Variants in ABCA5 observed in about 807,000 individuals in gnomAD.
ABCA5 encodes cholesterol transporter ABCA5.
ABCA5 carries 163 observed loss-of-function variants against 206.0 expected under a neutral mutation model. The observed-to-expected ratio is 0.79, with a 90% CI of 0.70 to 0.90. The LOEUF is 0.90. ABCA5 is among the 40% of genes least tolerant of loss of function. ABCA5 has a pLI of 0.00. For synonymous variants in ABCA5, 609 were observed against 613.8 expected, an observed-to-expected ratio of 0.99 and a Z score of 0.11; for missense variants, 1,859 against 1,912.9, an observed-to-expected ratio of 0.97 and a Z score of 0.53.
chr17:69,283,591 CT>C (rs1053951851), intron 18 of ABCA5, among the ~76,000 whole-genome samples: 1 of 152,118 alleles, frequency 6.6e-6, no homozygotes, highest in South Asian at 2.1e-4. Context: ...CCATGGTAGC[CT>C]TTTTTTATCC....
chr17:69,264,867 C>A lies in ABCA5; in HGVS notation c.3183G>T (p.Leu1061Phe), dbSNP rs1401338655. 2 of 1,558,752 alleles carry A rather than the reference C, an allele frequency of 1.3e-6. No homozygotes were observed. Among genetic ancestry groups the A allele is most frequent in the East Asian group, 2.3e-5 (1 of 42,758 alleles). The stretch of plus-strand genomic sequence containing the variant: ...CTTGTCCAATCCAATATGCAGATGG[C>A]AAAAGACCTGAAAGTTTAAGTTGAG... ...AYTQLKLSGL[L>F]PSAYWIGQAV... Residue 1061 changes from leucine to phenylalanine, a missense_variant, in exon 24 of 39, where the codon TTG (leucine) becomes TTT (phenylalanine). Leu to Phe is a conservative substitution (Grantham distance 22, BLOSUM62 0). Transcript: ENST00000392676.
chr17:69,274,839 C>CTTTTTTTTTTTTTTTTTTTTTTT (rs3052556), intron 19 of ABCA5, among the ~76,000 whole-genome samples: 6 of 85,750 alleles, frequency 7.0e-5, no homozygotes, highest in African/African-American at 2.2e-4. Flanking sequence ...TAACCATTTA[C>CTTTTTTTTTTTTTTTTTTTTTTT]TTTTTTTTTT....
At chr17:69,270,450 A>C (rs2075259744) in intron 22 of ABCA5, among the ~76,000 whole-genome samples, 163 bp downstream of exon 22, 1 of 152,114 alleles carries the variant, frequency 6.6e-6, no homozygotes, top group South Asian at 2.1e-4. Context: ...TCTACTGGGG[A>C]ATCCTAAACC....
chr17:69,279,210 G>A (rs1055375102), intron 18 of ABCA5, among the ~76,000 whole-genome samples: 8 of 152,126 alleles, frequency 5.3e-5, no homozygotes, highest in Non-Finnish European at 1.0e-4. Context: ...AAATCAATGT[G>A]CAAAAATCAC....
Position 69,308,209 on chromosome 17 carries a change from A to G in ABCA5, c.558+71T>C, listed in dbSNP as rs935020050. 1.1e-5 allele frequency: 11 copies of G among 973,420 alleles called. 1 individual carries two copies. The highest frequency in any genetic ancestry group is 1.7e-5 in the Non-Finnish European group (11 of 639,170). The allele number at this position is 973,420 out of a possible 1,614,324, so 60.3% of individuals were successfully genotyped here. A position where few individuals can be genotyped will look rare whatever the true frequency, so the allele number is the denominator to read the frequency against. On this transcript the variant is annotated intron_variant, in intron 5 of 38. Transcript: ENST00000392676. Reference sequence around the variant, plus strand: ...TTTGACAGTAGTCAAACCAAATACTATTGTAAAGAATAAGGAAATATTTAT... The same window carrying G: ...TTTGACAGTAGTCAAACCAAATACTGTTGTAAAGAATAAGGAAATATTTAT...
chr17:69,266,443 C>A (rs112977499), intron 23 of ABCA5, among the ~76,000 whole-genome samples: 1 of 151,890 alleles, frequency 6.6e-6, no homozygotes, highest in Non-Finnish European at 1.5e-5. Flanking sequence ...GAATATACAA[C>A]TATCTCAAAA....
chr17:69,287,726 G>C lies in ABCA5; in HGVS notation c.1928C>G (p.Ala643Gly). The C allele has an allele frequency of 1.2e-6, 2 of 1,613,426 alleles. No individual in the cohort carries two copies. Among genetic ancestry groups the C allele is most frequent in the Non-Finnish European group, 1.7e-6 (2 of 1,179,690 alleles). Residue 643 changes from alanine to glycine, a missense_variant, in exon 15 of 39, where the codon GCT becomes GGT. Coordinates refer to ENST00000392676, the MANE Select transcript of ABCA5 (RefSeq NM_172232.4). ...ATGTCGAGAACAGGGGTCCATTCCA[G>C]CTGTTGGTTCATCTAGCAGCAGTAT... ...PKILLLDEPT[A>G]GMDPCSRHIV...
intron 11 of ABCA5, among the ~76,000 whole-genome samples, chr17:69,292,037 A>T (rs2075532881): frequency 6.6e-6 from 1 of 152,116 alleles, no homozygotes; most frequent in Non-Finnish European, 1.5e-5. Context: ...TGAGCTTGGG[A>T]AGTCAGGGCT....
chr17:69,307,092 AAAGT>A, intron 5 of ABCA5, 138 bp from the exon 6 acceptor site: 1 of 421,728 alleles, frequency 2.4e-6, no homozygotes, highest in East Asian at 3.6e-5. Flanking sequence ...TACCTGAAAT[AAAGT>A]GAGTGACCCC....
In ABCA5 at chr17:69,264,890, G is replaced by A; in HGVS notation, c.3160C>T (p.Gln1054Ter). Residue 1054 changes from glutamine (Q) to a stop codon, truncating the protein, a stop_gained, in exon 24 of 39, where the codon CAA becomes TAA. Transcript: ENST00000392676. LOFTEE classifies it high-confidence loss of function. ...GGCAAAAGACCTGAAAGTTTAAGTT[G>A]AGTATAAGCTTTGATCTAAAAAAAA... is the stretch of plus-strand genomic sequence containing the variant. ...AENHKIKAYT[Q>*]LKLSGLLPSA... The A allele has an allele frequency of 6.5e-7, 1 of 1,534,018 alleles. No individual in the cohort carries two copies. The highest frequency in any genetic ancestry group is 8.7e-7 in the Non-Finnish European group (1 of 1,146,174).
At chr17:69,302,379 T>A (rs959015151) in intron 8 of ABCA5, among the ~76,000 whole-genome samples, 1 of 152,156 alleles carries the variant, frequency 6.6e-6, no homozygotes, top group Non-Finnish European at 1.5e-5. Flanking sequence ...GAGATAAATG[T>A]ACAAATGATA....
At chr17:69,286,971 G>A (rs938131066) in intron 15 of ABCA5, among the ~76,000 whole-genome samples, 35 of 152,172 alleles carry the variant, frequency 2.3e-4, no homozygotes, top group Admixed American at 1.6e-3. Context: ...TACAAGGTTG[G>A]CCCTTGGCTG....
chr17:69,248,445 C>T, intron 37 of ABCA5, 128 bp from the exon 38 acceptor site: 1 of 571,164 alleles, frequency 1.8e-6, no homozygotes, highest in Non-Finnish European at 3.1e-6. Context: ...GCTGCCAAAA[C>T]ATGTTATTTT....
In ABCA5 at chr17:69,253,863, T is replaced by A. The variant is rs770716296; in HGVS notation, c.4251A>T (p.Thr1417=). ...SDMKEVISRI[T]HALDLKEHLQ... ...GATGTTCTTTTAAATCAAGTGCATGTGTTATTCTGCAAAATGAACAATACA... is the reference window on the plus strand; with the variant it reads ...GATGTTCTTTTAAATCAAGTGCATGAGTTATTCTGCAAAATGAACAATACA... Residue 1417 remains threonine (T), a synonymous_variant, in exon 33 of 39, where the codon ACA becomes ACT. Transcript: ENST00000392676. 6.3e-5 allele frequency: 101 copies of A among 1,609,906 alleles called. No homozygotes were observed. The highest frequency in any genetic ancestry group is 2.0e-4 in the Middle Eastern group (1 of 5,128).
chr17:69,263,948 G>A (rs527720297), intron 24 of ABCA5, among the ~76,000 whole-genome samples: 8 of 151,992 alleles, frequency 5.3e-5, no homozygotes, highest in Non-Finnish European at 1.0e-4. Flanking sequence ...CACCCGTCTC[G>A]GTCTCCCAGA....
rs185324253 is a variant in ABCA5 at position 69,315,686 on chromosome 17, G to A, written c.-15-1256C>T. 4.0e-4 allele frequency among the ~76,000 whole-genome samples: 61 copies of A among 152,038 alleles called. 1 individual carries two copies. The East Asian group carries it at 0.011, about 28-fold the overall frequency. ...TAATCCCAGCTACTCAGGAGGCTGA[G>A]GCAGGAGATCTGCTTGAACCCGGGA... On this transcript the variant is annotated intron_variant, in intron 1 of 38. Coordinates refer to ENST00000392676, the MANE Select transcript of ABCA5 (RefSeq NM_172232.4).
At chr17:69,278,362 C>A (rs1467300856) in intron 18 of ABCA5, among the ~76,000 whole-genome samples, 1 of 152,190 alleles carries the variant, frequency 6.6e-6, no homozygotes, top group Non-Finnish European at 1.5e-5. Context: ...CACAACTTAG[C>A]ATCATATCCT....
At chr17:69,272,559 T>C (rs1010824726) in intron 20 of ABCA5, among the ~76,000 whole-genome samples, 13 of 151,990 alleles carry the variant, frequency 8.6e-5, no homozygotes, top group African/African-American at 3.1e-4. Context: ...CCTGGACACA[T>C]ATAAAAAATG....
At chr17:69,255,968 CAAAT>C in intron 29 of ABCA5, 118 bp from the exon 30 acceptor site, 1 of 1,092,756 alleles carries the variant, frequency 9.2e-7, no homozygotes, top group Non-Finnish European at 1.3e-6. Flanking sequence ...GGATACTGTA[CAAAT>C]AAATATCCAT....
Sources: allele counts gnomAD v4.1 joint callset (sites outside exome capture counted in the v4.1 genomes callset), GRCh38; gene constraint gnomAD v4.1.1; transcripts MANE v1.5; gene names NCBI Gene and HGNC (gene_info 2026-07-23, HGNC 2026-07-21).